DAB1: variants seen among roughly 807,000 people sequenced by gnomAD.
The protein encoded by DAB1 is DAB adaptor protein 1.
Under a neutral mutation model 64.6 loss-of-function variants are expected in DAB1, and 15 were observed. The observed-to-expected ratio is 0.23, with a 90% CI of 0.16 to 0.36. The LOEUF is 0.36. DAB1 is among the 10% of genes least tolerant of loss of function. The probability of loss-of-function intolerance (pLI) is 1.00; values close to 1 mark genes in which losing one functional copy is unlikely to be tolerated. For synonymous variants in DAB1, 235 were observed against 251.9 expected (o/e 0.93, Z 0.64); for missense variants, 596 against 706.7 (o/e 0.84, Z 1.78).
At chr1:58,313,096 C>T (rs973850273) in intron 4 of DAB1, among the ~76,000 whole-genome samples, 3 of 152,098 alleles carry the variant, frequency 2.0e-5, no homozygotes, top group Non-Finnish European at 4.4e-5. Context: ...CTGCTGTCCA[C>T]TATGGATTCT....
At chr1:57,404,977 A>G (rs1683518388) in intron 1 of DAB1, among the ~76,000 whole-genome samples, 1 of 152,230 alleles carries the variant, frequency 6.6e-6, no homozygotes, top group Non-Finnish European at 1.5e-5. Context: ...TCAATTCCAC[A>G]GTAACTACTA....
intron 3 of DAB1, chr1:58,473,887 T>C (rs1161845821): frequency 1.2e-5 from 10 of 842,132 alleles, no homozygotes; most frequent in Non-Finnish European, 1.6e-5. Flanking sequence ...CTCCGACAGA[T>C]TTCTGTGTTC....
chr1:57,611,229 G>C (rs1645722858), intron 7 of DAB1, among the ~76,000 whole-genome samples: 1 of 144,372 alleles, frequency 6.9e-6, no homozygotes, highest in Non-Finnish European at 1.5e-5. Context: ...TAGACTCCAA[G>C]AGTTAACAGG....
chr1:57,107,186 C>A (rs961713525), intron 4 of DAB1, among the ~76,000 whole-genome samples: 1 of 152,074 alleles, frequency 6.6e-6, no homozygotes, highest in Admixed American at 6.5e-5. Flanking sequence ...ACCAGCCTGA[C>A]CAACATGGTG....
At chr1:57,515,008 T>C (rs560270956) in intron 7 of DAB1, among the ~76,000 whole-genome samples, 2 of 152,302 alleles carry the variant, frequency 1.3e-5, no homozygotes, top group East Asian at 3.9e-4. Context: ...TTTTGAAGCA[T>C]ATTGCTGTAA....
intron 4 of DAB1, among the ~76,000 whole-genome samples, chr1:58,222,690 TGC>T (rs745360356): frequency 2.0e-5 from 3 of 152,244 alleles, no homozygotes; most frequent in Non-Finnish European, 2.9e-5. Flanking sequence ...CAGAGTCTAA[TGC>T]ATGCCACCCA....
At chr1:58,334,312 T>C (rs947574139) in intron 4 of DAB1, among the ~76,000 whole-genome samples, 2 of 152,214 alleles carry the variant, frequency 1.3e-5, no homozygotes, top group Middle Eastern at 3.2e-3. Context: ...TATATATGTA[T>C]GAGCTGAATC....
upstream of DAB1, among the ~76,000 whole-genome samples, chr1:57,428,025 G>A (rs192913811): frequency 1.7e-3 from 253 of 152,160 alleles, 1 homozygote; most frequent in South Asian, 0.011. Context: ...AAACTTAGCC[G>A]GGCGTGGTGG....
At chr1:57,835,531 T>C (rs1652772182) in intron 1 of DAB1, among the ~76,000 whole-genome samples, 1 of 151,464 alleles carries the variant, frequency 6.6e-6, no homozygotes, top group African/African-American at 2.4e-5. Flanking sequence ...GACCAGAGAG[T>C]CCAGGTGACT....
intron 6 of DAB1, among the ~76,000 whole-genome samples, chr1:57,808,234 C>G (rs1283307790): frequency 6.6e-6 from 1 of 151,338 alleles, no homozygotes; most frequent in African/African-American, 2.4e-5. Context: ...TACCCCTGAG[C>G]CTTTTCACAT....
At chr1:58,036,141 A>G (rs1647042257) in intron 5 of DAB1, among the ~76,000 whole-genome samples, 1 of 152,206 alleles carries the variant, frequency 6.6e-6, no homozygotes, top group Non-Finnish European at 1.5e-5. Flanking sequence ...CAGGTCCTCT[A>G]ATAGTAATAA....
At chr1:57,877,948 A>C (rs1347489072) in intron 1 of DAB1, among the ~76,000 whole-genome samples, 1 of 152,236 alleles carries the variant, frequency 6.6e-6, no homozygotes, top group Non-Finnish European at 1.5e-5. Context: ...GAAAAATAAA[A>C]ACCCTTATTA....
intron 6 of DAB1, among the ~76,000 whole-genome samples, chr1:57,724,837 T>G (rs1282289059): frequency 4.6e-5 from 7 of 152,092 alleles, no homozygotes; most frequent in Non-Finnish European, 7.4e-5. Context: ...TTCTGGAGGG[T>G]GACTATCCCC....
intron 7 of DAB1, among the ~76,000 whole-genome samples, chr1:57,590,782 A>C (rs868701201): frequency 2.1e-4 from 26 of 126,488 alleles, no homozygotes; most frequent in East Asian, 1.3e-3. Context: ...ACACACACAC[A>C]CCCCACTCAC....
intron 8 of DAB1, among the ~76,000 whole-genome samples, chr1:57,067,635 C>G (rs968998967): frequency 2.0e-5 from 3 of 152,100 alleles, no homozygotes; most frequent in Non-Finnish European, 4.4e-5. Flanking sequence ...CTAAAAAAAT[C>G]AAAGTCCTAT....
At chr1:58,140,644 T>G (rs780213406) in intron 5 of DAB1, among the ~76,000 whole-genome samples, 3 of 152,288 alleles carry the variant, frequency 2.0e-5, no homozygotes, top group Admixed American at 6.5e-5. Context: ...GCTCCCCCAC[T>G]GCTCTATGAG....
At chr1:57,821,804 C>T (rs944126844), downstream of DAB1, among the ~76,000 whole-genome samples, 3 of 151,758 alleles carry the variant, frequency 2.0e-5, no homozygotes, top group Non-Finnish European at 3.0e-5. Context: ...CACCTTCTTC[C>T]ATTTTTTTTA....
At chr1:57,865,943 A>C (rs1038533183) in intron 1 of DAB1, among the ~76,000 whole-genome samples, 8 of 152,178 alleles carry the variant, frequency 5.3e-5, no homozygotes, top group Non-Finnish European at 8.8e-5. Flanking sequence ...TTGGTGTTTC[A>C]TGATAGCTAG....
intron 7 of DAB1, among the ~76,000 whole-genome samples, chr1:57,562,597 T>A (rs2101509339): frequency 6.6e-6 from 1 of 152,300 alleles, no homozygotes; most frequent in Non-Finnish European, 1.5e-5. Flanking sequence ...ATCCAATATA[T>A]GGTACTGTGT....
Sources: gnomAD v4.1 joint callset for allele counts (sites outside exome capture counted in the v4.1 genomes callset) on GRCh38, gnomAD v4.1.1 for gene constraint, MANE v1.5 for transcripts, NCBI Gene and HGNC (gene_info 2026-07-23, HGNC 2026-07-21) for gene names.